MAPT: variants seen among roughly 807,000 people sequenced by gnomAD.
The protein encoded by MAPT is microtubule-associated protein tau.
In MAPT, 34 loss-of-function variants were observed where a neutral mutation model predicts 67.9. The ratio of observed to expected loss-of-function variants is 0.50; its 90% CI spans 0.38 to 0.67. The LOEUF is 0.67. Among genes scored for constraint, MAPT ranks in the 30% least tolerant of loss-of-function variants. The pLI is 0.00. For synonymous variants in MAPT, 456 were observed against 464.5 expected (o/e 0.98, Z 0.23); for missense variants, 881 against 1,115.2 (o/e 0.79, Z 2.99).
chr17:45,997,689 G>A (rs1441388172), intron 9 of MAPT, among the ~76,000 whole-genome samples: 1 of 152,198 alleles, frequency 6.6e-6, no homozygotes, highest in African/African-American at 2.4e-5. Context: ...GAACCCAGGA[G>A]GCAGAGGTTG....
chr17:45,972,555 C>G (rs1215879374), intron 3 of MAPT, among the ~76,000 whole-genome samples: 1 of 152,208 alleles, frequency 6.6e-6, no homozygotes, highest in African/African-American at 2.4e-5. Context: ...CTGTAAGAAA[C>G]AGAAACCCCA....
chr17:45,913,083 GT>G (rs1345217268), intron 1 of MAPT, among the ~76,000 whole-genome samples: 1 of 152,194 alleles, frequency 6.6e-6, no homozygotes, highest in African/African-American at 2.4e-5. Flanking sequence ...GTATTAGTCC[GT>G]TTTCACGCTG....
At chr17:45,926,953 ATGTG>A (rs1168140871) in intron 1 of MAPT, among the ~76,000 whole-genome samples, 4 of 108,268 alleles carry the variant, frequency 3.7e-5, no homozygotes, top group Admixed American at 9.9e-5. Flanking sequence ...ATATACATAT[ATGTG>A]TATATATATA....
intron 9 of MAPT, among the ~76,000 whole-genome samples, chr17:46,007,580 A>C (rs1186341907): frequency 2.0e-5 from 3 of 152,198 alleles, no homozygotes; most frequent in Non-Finnish European, 2.9e-5. Context: ...AAAAGGGGGT[A>C]AAGGAGCGAT....
At chr17:45,990,565 C>G (rs1278609498) in intron 7 of MAPT, 1 of 405,710 alleles carries the variant, frequency 2.5e-6, no homozygotes, top group Non-Finnish European at 4.9e-6. Context: ...GTAGTTAGCT[C>G]CAGCTTGGGC....
intron 10 of MAPT, among the ~76,000 whole-genome samples, chr17:46,013,535 G>A (rs1406187268): frequency 6.6e-6 from 1 of 152,220 alleles, no homozygotes; most frequent in Non-Finnish European, 1.5e-5. Context: ...TTTCTGCTGT[G>A]CCACCTACCC....
intron 1 of MAPT, among the ~76,000 whole-genome samples, chr17:45,926,922 TATACAC>T (rs1409420936): frequency 8.0e-5 from 12 of 150,040 alleles, no homozygotes; most frequent in Admixed American, 6.0e-4. Flanking sequence ...TGTGTATATA[TATACAC>T]ATATATACAC....
At chr17:46,008,671 A>G (rs2075615622) in intron 9 of MAPT, among the ~76,000 whole-genome samples, 1 of 152,174 alleles carries the variant, frequency 6.6e-6, no homozygotes, top group Admixed American at 6.5e-5. Context: ...GATTCAGACA[A>G]GTAAAATTAA....
rs949708867 is a variant in MAPT at position 45,971,174 on chromosome 17, G to A, written c.134-685G>A. On this transcript the variant is annotated intron_variant, in intron 2 of 12. Coordinates refer to ENST00000262410, the MANE Select transcript of MAPT (RefSeq NM_001377265.1). This position sits in a 1 kb window ranked among gnomAD's most constrained non-coding sequence, Gnocchi z 4.3. ...CATTTCTATTAAGGCAACAAAAGCT[G>A]CCTTACTAAGGACATTCTTGGTGGA... 1.3e-5 allele frequency among the ~76,000 whole-genome samples: 2 copies of A among 152,170 alleles called. No individual in the cohort carries two copies. Among genetic ancestry groups the A allele is most frequent in the African/African-American group, 4.8e-5 (2 of 41,440 alleles).
intron 3 of MAPT, chr17:45,974,058 T>G: frequency 2.5e-6 from 1 of 397,460 alleles, no homozygotes; most frequent in Non-Finnish European, 4.8e-6. Context: ...TTGTAAGCAA[T>G]CATCTGGTTT....
intron 9 of MAPT, among the ~76,000 whole-genome samples, chr17:46,004,197 C>CGGGGCTGT (rs940015995): frequency 1.6e-4 from 23 of 147,934 alleles, no homozygotes; most frequent in Non-Finnish European, 2.2e-4. Context: ...GAGGCACGGA[C>CGGGGCTGT]GGGGCTGTGG....
At chr17:45,988,216 C>A (rs1026790053) in intron 6 of MAPT, among the ~76,000 whole-genome samples, 1 of 152,192 alleles carries the variant, frequency 6.6e-6, no homozygotes, top group Admixed American at 6.5e-5. Flanking sequence ...CCTTACCAAG[C>A]CTGACCACAC....
rs796680326 is a variant in MAPT at position 45,982,930 on chromosome 17, C to T, written c.351C>T (p.Ser117=). ...APERPLANEI[S]AHVQPGPCGE... ...AAAGGCCCCTGGCCAATGAGATTAG[C>T]GCCCACGTCCAGCCTGGACCCTGCG... Residue 117 remains serine, a synonymous_variant, in exon 5 of 13, where the codon AGC becomes AGT. Transcript: ENST00000262410. 3.4e-5 allele frequency: 48 copies of T among 1,391,760 alleles called. No individual in the cohort carries two copies. In the African/African-American group the frequency reaches 5.6e-4, roughly 16 times the overall value. 86.2% of individuals were successfully genotyped at this position (1,391,760 alleles called of 1,614,324 possible).
chr17:45,922,076 G>A (rs551059870), intron 1 of MAPT, among the ~76,000 whole-genome samples: 4 of 151,796 alleles, frequency 2.6e-5, no homozygotes, highest in Middle Eastern at 3.4e-3. Context: ...CTGGAGTGCC[G>A]TGGAGCGATC....
At chr17:46,012,983 C>T (rs2075924139) in intron 10 of MAPT, among the ~76,000 whole-genome samples, 2 of 152,234 alleles carry the variant, frequency 1.3e-5, no homozygotes, top group African/African-American at 4.8e-5. Flanking sequence ...TCTCAGCCAT[C>T]TCTGCCCCAG....
At chr17:45,910,179 C>T (rs188594784) in intron 1 of MAPT, among the ~76,000 whole-genome samples, 2 of 152,292 alleles carry the variant, frequency 1.3e-5, no homozygotes, top group African/African-American at 4.8e-5. Context: ...GTAGCCCACA[C>T]GATGTGATTT....
At chr17:45,956,436 T>C (rs17571781) in intron 1 of MAPT, among the ~76,000 whole-genome samples, 21,787 of 151,766 alleles carry the variant, frequency 0.14, 2,139 homozygotes, top group Non-Finnish European at 0.22. Context: ...CTAGAACCCA[T>C]GAATTTGGAA....
At chr17:45,926,935 A>G (rs568801376) in intron 1 of MAPT, among the ~76,000 whole-genome samples, 343 of 112,074 alleles carry the variant, frequency 3.1e-3, no homozygotes, top group African/African-American at 8.4e-3. Context: ...ACACATATAT[A>G]CACATATATA....
chr17:45,918,137 C>A, intron 1 of MAPT, among the ~76,000 whole-genome samples: 1 of 152,198 alleles, frequency 6.6e-6, no homozygotes, highest in South Asian at 2.1e-4. Flanking sequence ...TTTTCCATTT[C>A]CAAAGTCAGT....
Sources: gnomAD v4.1 joint callset for allele counts (sites outside exome capture counted in the v4.1 genomes callset) on GRCh38, gnomAD v4.1.1 for gene constraint, Gnocchi (gnomAD v3.1) non-coding constraint, MANE v1.5 for transcripts, NCBI Gene and HGNC (gene_info 2026-07-23, HGNC 2026-07-21) for gene names.